The following KNTC1 variants were observed in gnomAD, a reference collection of about 807,000 sequenced individuals.
KNTC1 encodes kinetochore associated 1.
In KNTC1, 253 loss-of-function variants were observed where a neutral mutation model predicts 314.4. The observed-to-expected ratio is 0.80, with a 90% confidence interval of 0.73 to 0.89. The LOEUF (loss-of-function observed/expected upper bound fraction) is 0.89, where lower values mean the gene tolerates loss of function less well. Ranked by LOEUF, KNTC1 falls within the 40% of genes least tolerant of loss-of-function variation. The pLI, the probability that KNTC1 is intolerant of heterozygous loss-of-function variation, is 0.00. For synonymous variants in KNTC1, 901 were observed against 901.4 expected, an observed-to-expected ratio of 1.00 and a Z score of 0.01; for missense variants, 2,475 against 2,572.9, an observed-to-expected ratio of 0.96 and a Z score of 0.82.
chr12:122,555,875 G>A (rs1280959537), intron 16 of KNTC1, among the ~76,000 whole-genome samples: 1 of 151,982 alleles, frequency 6.6e-6, no homozygotes, highest in Non-Finnish European at 1.5e-5. Context: ...AGAAAAACAA[G>A]AATGATTGTA....
chr12:122,613,542 C>A, intron 54 of KNTC1, 84 bp from the exon 55 acceptor site: 1 of 1,295,296 alleles, frequency 7.7e-7, no homozygotes, highest in Non-Finnish European at 1.0e-6. Flanking sequence ...AACAAACTGG[C>A]CTAATATTTC....
chr12:122,565,980 T>G, intron 20 of KNTC1, among the ~76,000 whole-genome samples: 1 of 139,712 alleles, frequency 7.2e-6, no homozygotes, highest in African/African-American at 2.7e-5. Context: ...TGAGACAGAG[T>G]CTAGGAGTGT....
rs951023284 is a variant in KNTC1 at position 122,546,690 on chromosome 12, C to T, written c.816+16C>T. The T allele has an allele frequency of 9.3e-6, 14 of 1,509,114 alleles. No homozygotes were observed. The highest frequency in any genetic ancestry group is 1.7e-4 in the Middle Eastern group (1 of 5,916). 93.5% of individuals were successfully genotyped at this position (1,509,114 alleles called of 1,614,324 possible). ...TGATACTGATGTATGTTTCTTGTTTCTCCTTCAATGTTTTTACTTGATATG... is the reference window on the plus strand; with the variant it reads ...TGATACTGATGTATGTTTCTTGTTTTTCCTTCAATGTTTTTACTTGATATG... On this transcript the variant is annotated intron_variant, in intron 10 of 63. Transcript: ENST00000333479.
At position 122,610,260 on chromosome 12, in the gene KNTC1, A is replaced by G. The variant is rs569802707; in HGVS notation, c.5544-562A>G. On this transcript the variant is annotated intron_variant, in intron 52 of 63. Coordinates refer to ENST00000333479, the MANE Select transcript of KNTC1 (RefSeq NM_014708.6). Reference sequence around the variant, plus strand: ...CCTGGTATGTCTACCTGAACTAGGCACGTGGAAGGTCTTGGAGGGAAGCGA... The same window carrying G: ...CCTGGTATGTCTACCTGAACTAGGCGCGTGGAAGGTCTTGGAGGGAAGCGA... Among the ~76,000 whole-genome samples the G allele has an allele frequency of 3.9e-5, 6 of 152,320 alleles. 1 individual carries two copies. The South Asian group carries it at 1.2e-3, about 32-fold the overall frequency.
At chr12:122,604,852 CT>C (rs753665239) in intron 49 of KNTC1, 24 bp from the exon 50 acceptor site, 14 of 1,572,596 alleles carry the variant, frequency 8.9e-6, no homozygotes, top group Non-Finnish European at 1.2e-5. Context: ...GTAAGATTTT[CT>C]TTTTGCTTGG....
chr12:122,540,806 T>TA (rs1962247046), intron 5 of KNTC1, among the ~76,000 whole-genome samples: 1 of 152,226 alleles, frequency 6.6e-6, no homozygotes, highest in Non-Finnish European at 1.5e-5. Flanking sequence ...ACAATGTTTT[T>TA]GCAAATAACC....
chr12:122,584,557 G>C lies in KNTC1; in HGVS notation c.3436+107G>C, dbSNP rs1358737337. 6.8e-6 allele frequency: 5 copies of C among 736,174 alleles called. No homozygotes were observed. The East Asian group carries it at 1.1e-4, about 16-fold the overall frequency. The allele number at this position is 736,174 out of a possible 1,614,324, so 45.6% of individuals were successfully genotyped here. A position where few individuals can be genotyped will look rare whatever the true frequency, so the allele number is the denominator to read the frequency against. On this transcript the variant is annotated intron_variant, in intron 35 of 63. Coordinates refer to ENST00000333479, the MANE Select transcript of KNTC1 (RefSeq NM_014708.6). ...TGGACATCACGGTAATCAGACTAGAGATAGTATCTGCATTTCACAAAGGGA... is the reference window on the plus strand; with the variant it reads ...TGGACATCACGGTAATCAGACTAGACATAGTATCTGCATTTCACAAAGGGA...
chr12:122,527,252 T>G lies in KNTC1; in HGVS notation c.-173T>G, dbSNP rs891782102. On this transcript the variant is annotated 5_prime_UTR_variant, in exon 1 of 64. The change creates a new upstream start codon in the 5' untranslated region. Transcript: ENST00000333479. Reference sequence around the variant, plus strand: ...TTGGGTTTAGTGTTCTCCCGCCAATTTAAGCCTGTGGCATGGAACCTAAAG... The same window carrying G: ...TTGGGTTTAGTGTTCTCCCGCCAATGTAAGCCTGTGGCATGGAACCTAAAG... 7.3e-6 allele frequency: 2 copies of G among 273,916 alleles called. No homozygotes were observed. Among genetic ancestry groups the G allele is most frequent in the South Asian group, 1.0e-4 (2 of 19,292 alleles). The allele number at this position is 273,916 out of a possible 1,614,324, so 17.0% of individuals were successfully genotyped here. A position where few individuals can be genotyped will look rare whatever the true frequency, so the allele number is the denominator to read the frequency against.
chr12:122,555,735 G>C (rs1565950916), intron 16 of KNTC1, among the ~76,000 whole-genome samples: 1 of 151,816 alleles, frequency 6.6e-6, no homozygotes, highest in Non-Finnish European at 1.5e-5. Flanking sequence ...TGTAGTCCTA[G>C]CTACTTGGGA....
rs527750148 is a variant in KNTC1 at position 122,577,744 on chromosome 12, A to G, written c.2794A>G (p.Ile932Val). ...EAEKTAERVI[I>V]WARLALQEEP... ...TGAGAAAACTGCAGAAAGAGTCATC[A>G]TATGGGCACGACTGGCATTACAAGA... The change falls in exon 31 of 64, where the codon ATA becomes GTA. Residue 932 changes from isoleucine (I) to valine (V), a missense_variant. Coordinates refer to ENST00000333479, the MANE Select transcript of KNTC1 (RefSeq NM_014708.6). The G allele has an allele frequency of 7.1e-5, 115 of 1,613,908 alleles. No homozygotes were observed. The highest frequency in any genetic ancestry group is 3.6e-4 in the East Asian group (16 of 44,872).
chr12:122,531,748 G>T (rs946522378), intron 2 of KNTC1, among the ~76,000 whole-genome samples: 5 of 151,920 alleles, frequency 3.3e-5, no homozygotes, highest in Non-Finnish European at 5.9e-5. Flanking sequence ...TTGTTCGTTT[G>T]TTTGAGATGG....
intron 18 of KNTC1, among the ~76,000 whole-genome samples, chr12:122,559,531 A>C (rs1963837885): frequency 6.6e-6 from 1 of 151,784 alleles, no homozygotes; most frequent in African/African-American, 2.4e-5. Context: ...TATTTTGTTA[A>C]AAAATACATA....
intron 20 of KNTC1, among the ~76,000 whole-genome samples, chr12:122,564,894 C>T (rs749702046): frequency 6.6e-5 from 10 of 151,986 alleles, no homozygotes; most frequent in African/African-American, 2.4e-4. Flanking sequence ...GTAAGTATAC[C>T]TCTAATTTTA....
chr12:122,598,463 C>T (rs1484113038), intron 44 of KNTC1, among the ~76,000 whole-genome samples: 1 of 130,696 alleles, frequency 7.7e-6, no homozygotes, highest in Admixed American at 9.5e-5. Flanking sequence ...CTCTGTTGCC[C>T]AGGCTGGAGT....
At chr12:122,593,213 C>T (rs998315040) in intron 42 of KNTC1, 5 of 179,738 alleles carry the variant, frequency 2.8e-5, no homozygotes, top group Non-Finnish European at 4.5e-5. Context: ...CCACCAATTC[C>T]GGACACACTA....
At chr12:122,571,795 G>T (rs576884953) in intron 24 of KNTC1, among the ~76,000 whole-genome samples, 8 of 151,828 alleles carry the variant, frequency 5.3e-5, no homozygotes, top group Admixed American at 2.6e-4. Context: ...TCAGCCTCCC[G>T]TGTAGCTGGG....
At chr12:122,542,254 G>C in intron 6 of KNTC1, 127 bp downstream of exon 6, 2 of 613,292 alleles carry the variant, frequency 3.3e-6, no homozygotes, top group Non-Finnish European at 5.3e-6. Context: ...GTTATAATTG[G>C]GTATACTGTT....
rs760669670 is a variant in KNTC1 at position 122,582,792 on chromosome 12, G to A, written c.3070G>A (p.Glu1024Lys). 1.2e-5 allele frequency: 19 copies of A among 1,612,664 alleles called. No individual in the cohort carries two copies. The highest frequency in any genetic ancestry group is 4.5e-5 in the East Asian group (2 of 44,846). Residue 1024 changes from glutamate (E) to lysine (K), a missense_variant, in exon 34 of 64, where the codon GAA becomes AAA. Glu to Lys is a moderately conservative substitution (Grantham distance 56). Coordinates refer to ENST00000333479, the MANE Select transcript of KNTC1 (RefSeq NM_014708.6). Reference protein sequence around the residue: ...DLREQHIKAHEVAQAKHKPGS... With the variant: ...DLREQHIKAHKVAQAKHKPGS... ...CCGTGAGCAGCACATTAAAGCTCAC[G>A]AAGTTGCACAGGCGAAACACAAACC...
intron 45 of KNTC1, 154 bp downstream of exon 45, chr12:122,601,779 TAAA>T: frequency 2.5e-6 from 2 of 804,708 alleles, no homozygotes; most frequent in Non-Finnish European, 3.4e-6. Context: ...TACAAATCTT[TAAA>T]AAAAGAAAAA....
Sources: gnomAD v4.1 joint callset for allele counts (sites outside exome capture counted in the v4.1 genomes callset) on GRCh38, gnomAD v4.1.1 for gene constraint, MANE v1.5 for transcripts, NCBI Gene and HGNC (gene_info 2026-07-23, HGNC 2026-07-21) for gene names.